DMXL2: variants seen among roughly 807,000 people sequenced by gnomAD.
DMXL2 encodes the protein dmX-like protein 2.
A neutral mutation model predicts 331.1 loss-of-function variants in DMXL2; 103 were observed. The ratio of observed to expected loss-of-function variants is 0.31; its 90% confidence interval spans 0.27 to 0.37. The LOEUF (loss-of-function observed/expected upper bound fraction) is 0.37. Among genes scored for constraint, DMXL2 ranks in the 10% least tolerant of loss-of-function variants. The probability of loss-of-function intolerance (pLI) is 1.00; values close to 1 mark genes in which losing one functional copy is unlikely to be tolerated. For synonymous variants in DMXL2, 1,281 were observed against 1,252.1 expected (o/e 1.02, Z -0.49); for missense variants, 3,171 against 3,642.9 (o/e 0.87, Z 3.33).
At chr15:51,544,541 C>T (rs919584769) in intron 8 of DMXL2, among the ~76,000 whole-genome samples, 4 of 152,142 alleles carry the variant, frequency 2.6e-5, no homozygotes, top group African/African-American at 9.7e-5. Flanking sequence ...CCAATACAGA[C>T]AATACCTGAG....
chr15:51,487,828 T>C, intron 22 of DMXL2, 126 bp downstream of exon 22: 1 of 758,048 alleles, frequency 1.3e-6, no homozygotes. Flanking sequence ...CTATTTTAAG[T>C]ACAGCAACCT....
At position 51,461,337 on chromosome 15, in the gene DMXL2, C is replaced by T. The variant is rs764984313; in HGVS notation, c.7927-1677G>A. 4.1e-4 allele frequency among the ~76,000 whole-genome samples: 63 copies of T among 152,200 alleles called. 1 individual carries two copies. The highest frequency in any genetic ancestry group is 3.4e-3 in the Middle Eastern group (1 of 294). ...AGCAAACTCGTGGGGAAGGGCAAGA[C>T]GAGAATGGGAGGGTCCAAGAAACCC... On this transcript the variant is annotated intron_variant, in intron 33 of 43. Coordinates refer to ENST00000560891, the MANE Select transcript of DMXL2 (RefSeq NM_001378457.1).
chr15:51,554,107 A>C (rs2049396204), intron 6 of DMXL2, among the ~76,000 whole-genome samples: 1 of 152,238 alleles, frequency 6.6e-6, no homozygotes, highest in Non-Finnish European at 1.5e-5. Flanking sequence ...AGTGTGTACA[A>C]TATCCAAGCT....
In DMXL2 at chr15:51,464,780, G is replaced by T. The variant is rs746177867; in HGVS notation, c.7703C>A (p.Pro2568Gln). 4.1e-5 allele frequency: 66 copies of T among 1,613,854 alleles called. No homozygotes were observed. The highest frequency in any genetic ancestry group is 5.6e-5 in the Non-Finnish European group (66 of 1,179,928). The change falls in exon 32 of 44, where the codon CCA becomes CAA. Residue 2568 changes from proline to glutamine, a missense_variant. Physicochemically the swap from Pro to Gln is moderately conservative, Grantham distance 76. Around this residue, in one of 7 missense-constraint regions of DMXL2, gnomAD observed 766 missense variants for 940.5 expected, o/e 0.81. Coordinates refer to ENST00000560891, the MANE Select transcript of DMXL2 (RefSeq NM_001378457.1). ...ATATGTGTTGATATAGTTAGGGGGTGGACCTTCAAACTGATCCATTTTCTC... is the reference window on the plus strand; with the variant it reads ...ATATGTGTTGATATAGTTAGGGGGTTGACCTTCAAACTGATCCATTTTCTC... ...LQEKMDQFEG[P>Q]PPNYINTYPT...
chr15:51,538,247 A>G lies in DMXL2; in HGVS notation c.1311T>C (p.Asp437=). The G allele has an allele frequency of 6.2e-7, 1 of 1,613,678 alleles. No homozygotes were observed. The highest frequency in any genetic ancestry group is 8.5e-7 in the Non-Finnish European group (1 of 1,179,702). ...DREDEEHSQE[D]RERGLHMKLD... The stretch of plus-strand genomic sequence containing the variant: ...ATTTCATATGTAAACCCCGTTCTCT[A>G]TCCTCCTGTGAATGTTCCTCATCTT... The change falls in exon 10 of 44, where the codon GAT becomes GAC. Residue 437 remains aspartate (D), a synonymous_variant. Coordinates refer to ENST00000560891, the MANE Select transcript of DMXL2 (RefSeq NM_001378457.1).
At chr15:51,611,878 G>C (rs2053994094) in intron 1 of DMXL2, among the ~76,000 whole-genome samples, 2 of 152,210 alleles carry the variant, frequency 1.3e-5, no homozygotes, top group Non-Finnish European at 2.9e-5. Flanking sequence ...GGGGCATTCT[G>C]ATAGCACAGA....
At chr15:51,515,187 T>C (rs1293133437) in intron 14 of DMXL2, among the ~76,000 whole-genome samples, 2 of 152,184 alleles carry the variant, frequency 1.3e-5, no homozygotes, top group Admixed American at 6.5e-5. Context: ...CTATGCTCCA[T>C]GACCATGTTT....
chr15:51,532,610 G>A (rs1397737391), intron 13 of DMXL2, among the ~76,000 whole-genome samples: 1 of 152,066 alleles, frequency 6.6e-6, no homozygotes, highest in Non-Finnish European at 1.5e-5. Flanking sequence ...ACTAAGAATT[G>A]CATGCCTATA....
At chr15:51,611,459 A>C (rs778353117) in intron 1 of DMXL2, among the ~76,000 whole-genome samples, 1 of 152,254 alleles carries the variant, frequency 6.6e-6, no homozygotes, top group Non-Finnish European at 1.5e-5. Flanking sequence ...AGCTTCCTCC[A>C]TGAGGCCTCA....
intron 37 of DMXL2, among the ~76,000 whole-genome samples, chr15:51,456,942 C>T (rs1024201463): frequency 2.6e-5 from 4 of 152,100 alleles, no homozygotes; most frequent in Admixed American, 1.3e-4. Flanking sequence ...GAGGCTGAAG[C>T]GGGTAGATCA....
At chr15:51,463,354 A>G (rs747128500) in intron 33 of DMXL2, 25 bp downstream of exon 33, 1 of 1,336,264 alleles carries the variant, frequency 7.5e-7, no homozygotes, top group Non-Finnish European at 1.1e-6. Flanking sequence ...AAAAATTACA[A>G]TAGAAAATAT....
At chr15:51,546,423 T>A (rs912023796) in intron 7 of DMXL2, among the ~76,000 whole-genome samples, 1 of 152,106 alleles carries the variant, frequency 6.6e-6, no homozygotes, top group Admixed American at 6.6e-5. Context: ...TCAAAAAGTA[T>A]ATAAATTTCC....
At chr15:51,526,959 G>C (rs1261156680) in intron 13 of DMXL2, among the ~76,000 whole-genome samples, 1 of 152,154 alleles carries the variant, frequency 6.6e-6, no homozygotes, top group Non-Finnish European at 1.5e-5. Flanking sequence ...AAAGAGGTAG[G>C]GGTGGAAAGT....
chr15:51,560,850 G>A (rs559886122), intron 6 of DMXL2, among the ~76,000 whole-genome samples: 1 of 151,972 alleles, frequency 6.6e-6, no homozygotes, highest in East Asian at 1.9e-4. Flanking sequence ...GGAGATGCAT[G>A]GAGAAAGATA....
rs2038877716 is a variant in DMXL2 at position 51,448,694 on chromosome 15, T to C, written c.*290A>G. On this transcript the variant is annotated 3_prime_UTR_variant, in exon 44 of 44. Coordinates refer to ENST00000560891, the MANE Select transcript of DMXL2 (RefSeq NM_001378457.1). Reference sequence around the variant, plus strand: ...TAAACGTCCTTTTCATTATTTCAAGTTACTAATTTGCTAATCTCAAATGTT... The same window carrying C: ...TAAACGTCCTTTTCATTATTTCAAGCTACTAATTTGCTAATCTCAAATGTT... 2.6e-6 allele frequency: 1 copy of C among 386,992 alleles called. No individual in the cohort carries two copies. The highest frequency in any genetic ancestry group is 2.0e-5 in the African/African-American group (1 of 49,776). 24.0% of individuals were successfully genotyped at this position (386,992 alleles called of 1,614,324 possible).
intron 1 of DMXL2, among the ~76,000 whole-genome samples, chr15:51,597,753 C>T (rs561788138): frequency 6.6e-6 from 1 of 152,336 alleles, no homozygotes; most frequent in Admixed American, 6.5e-5. Context: ...TATACTGTCA[C>T]TAGCAGTGCA....
intron 18 of DMXL2, among the ~76,000 whole-genome samples, chr15:51,496,450 G>C (rs1275920282): frequency 6.6e-6 from 1 of 152,204 alleles, no homozygotes; most frequent in Non-Finnish European, 1.5e-5. Context: ...AGCCATGCAT[G>C]AATCTGGAAG....
intron 1 of DMXL2, among the ~76,000 whole-genome samples, chr15:51,594,526 T>C (rs1048024810): frequency 1.3e-5 from 2 of 152,012 alleles, no homozygotes; most frequent in African/African-American, 2.4e-5. Context: ...ACTATTCCAA[T>C]CAAAAGAAAA....
At chr15:51,565,920 C>T (rs1596279495) in intron 3 of DMXL2, among the ~76,000 whole-genome samples, 1 of 152,096 alleles carries the variant, frequency 6.6e-6, no homozygotes, top group African/African-American at 2.4e-5. Flanking sequence ...GGTTTCCTGA[C>T]TACCTCAAGG....
Sources: allele counts gnomAD v4.1 joint callset (sites outside exome capture counted in the v4.1 genomes callset), GRCh38; gene constraint gnomAD v4.1.1; regional missense constraint gnomAD v4.1.1; transcripts MANE v1.5; gene names NCBI Gene and HGNC (gene_info 2026-07-23, HGNC 2026-07-21).